Variants in ANKH observed in about 807,000 individuals in gnomAD.
ANKH encodes the protein ANKH inorganic pyrophosphate transport regulator, also known as mineralization regulator ANKH.
Under a neutral mutation model 49.0 loss-of-function variants are expected in ANKH, and 15 were observed. The ratio of observed to expected loss-of-function variants is 0.31; its 90% CI spans 0.20 to 0.47. ANKH has a LOEUF of 0.47. Ranked by LOEUF, ANKH falls within the 20% of genes least tolerant of loss-of-function variation. The pLI is 1.00. For missense variants in ANKH, 429 were observed against 652.0 expected (o/e 0.66, Z 3.72); for synonymous variants, 273 against 260.0 (o/e 1.05, Z -0.48).
rs118161440 is a variant in ANKH at position 14,804,549 on chromosome 5, G to A, written c.97-35358C>T. Among the ~76,000 whole-genome samples the A allele has an allele frequency of 1.1e-3, 168 of 152,224 alleles. 1 individual carries two copies. The East Asian group carries it at 0.018, about 16-fold the overall frequency. ...CTGGGAGAGTCTGTGTCTACTTTAC[G>A]CTTACTTTGTTTCTTCTGTAAAAAT... On this transcript the variant is annotated intron_variant, in intron 1 of 11. Transcript: ENST00000284268.
intron 1 of ANKH, among the ~76,000 whole-genome samples, chr5:14,774,987 C>A (rs1739566575): frequency 4.6e-5 from 7 of 152,190 alleles, no homozygotes. Context: ...CAGTGGATGC[C>A]TGAAACCTCG....
intron 8 of ANKH, among the ~76,000 whole-genome samples, chr5:14,721,389 C>T (rs1007382822): frequency 2.0e-5 from 3 of 152,058 alleles, no homozygotes; most frequent in African/African-American, 2.4e-5. Flanking sequence ...TGGGTCTTCG[C>T]GGGGTATCGG....
chr5:14,794,138 T>G (rs915858548), intron 1 of ANKH, among the ~76,000 whole-genome samples: 14 of 152,240 alleles, frequency 9.2e-5, no homozygotes, highest in African/African-American at 2.9e-4. Context: ...CAGGAAGTCC[T>G]AACAGCTTTG....
At chr5:14,799,365 A>G (rs1740493241) in intron 1 of ANKH, among the ~76,000 whole-genome samples, 2 of 152,252 alleles carry the variant, frequency 1.3e-5, no homozygotes, top group Admixed American at 6.5e-5. Context: ...TAAGATCACT[A>G]ATGAAGGTGG....
chr5:14,764,672 T>C (rs968801705), intron 2 of ANKH, among the ~76,000 whole-genome samples: 1 of 152,226 alleles, frequency 6.6e-6, no homozygotes, highest in African/African-American at 2.4e-5. Context: ...GTCTGTTCGC[T>C]CCCAGCACCC....
Position 14,751,088 on chromosome 5 carries a change from C to T in ANKH, c.668G>A (p.Arg223Lys). The change falls in exon 5 of 12, where the codon AGA becomes AAA. Residue 223 changes from arginine (R) to lysine (K), a missense_variant. This residue lies in a region of ANKH where 378 missense variants were observed against 615.3 expected (regional missense o/e 0.61). Transcript: ENST00000284268. ...YKNIHDIIPD[R>K]SGPELGGDAT... ...ACGTACCCCCAGCTCCGGGCCACTT[C>T]TGTCAGGGATGATGTCGTGAATGTT... is the stretch of plus-strand genomic sequence containing the variant. The T allele has an allele frequency of 6.2e-7, 1 of 1,614,248 alleles. No homozygotes were observed. Among genetic ancestry groups the T allele is most frequent in the South Asian group, 1.1e-5 (1 of 91,080 alleles).
intron 9 of ANKH, among the ~76,000 whole-genome samples, chr5:14,715,090 G>T (rs913912467): frequency 6.6e-6 from 1 of 152,224 alleles, no homozygotes; most frequent in Non-Finnish European, 1.5e-5. Flanking sequence ...AGCAAGGGCC[G>T]TTCCATCAGC....
intron 8 of ANKH, among the ~76,000 whole-genome samples, chr5:14,721,461 C>G (rs191885695): frequency 6.6e-6 from 1 of 152,184 alleles, no homozygotes; most frequent in Admixed American, 6.5e-5. Context: ...AGGAAAGGAA[C>G]GCCACATTTA....
Position 14,705,841 on chromosome 5 carries a change from TTTCA to T in ANKH, c.*5352_*5355del, listed in dbSNP as rs1736927505. The T allele has an allele frequency of 6.6e-6, 1 of 152,364 alleles. No individual in the cohort carries two copies. Among genetic ancestry groups the T allele is most frequent in the Non-Finnish European group, 1.5e-5 (1 of 68,038 alleles). The allele number at this position is 152,364 out of a possible 1,614,324, so 9.4% of individuals were successfully genotyped here. ...GTTTGAACTTAGCTTTCAGTAGCTG[TTTCA>T]TTCAAACCGTGGGTCCCTGCATGTT... On this transcript the variant is annotated 3_prime_UTR_variant, in exon 12 of 12. Coordinates refer to ENST00000284268, the MANE Select transcript of ANKH (RefSeq NM_054027.6).
intron 1 of ANKH, among the ~76,000 whole-genome samples, chr5:14,852,289 A>G (rs1266734204): frequency 6.6e-6 from 1 of 152,202 alleles, no homozygotes; most frequent in Admixed American, 6.5e-5. Context: ...CTCAAAAAAA[A>G]GAAAGAAATG....
chr5:14,809,335 TAAAAAAAAAA>T (rs36119317), intron 1 of ANKH, among the ~76,000 whole-genome samples: 3 of 80,858 alleles, frequency 3.7e-5, no homozygotes, highest in Admixed American at 1.4e-4. Context: ...TAGAGTATAA[TAAAAAAAAAA>T]AAAAAAAAAA....
intron 1 of ANKH, among the ~76,000 whole-genome samples, chr5:14,771,591 G>A (rs750877211): frequency 6.6e-6 from 1 of 152,034 alleles, no homozygotes; most frequent in African/African-American, 2.4e-5. Context: ...GGTCTGATAC[G>A]ACAGTAAGGT....
chr5:14,769,316 A>G (rs1394649612), intron 1 of ANKH, 125 bp from the exon 2 acceptor site: 4 of 783,314 alleles, frequency 5.1e-6, no homozygotes, highest in Non-Finnish European at 8.6e-6. Flanking sequence ...TATAGGGTGC[A>G]TCTCATGTAA....
At chr5:14,781,578 T>A (rs1240070994) in intron 1 of ANKH, among the ~76,000 whole-genome samples, 1 of 152,184 alleles carries the variant, frequency 6.6e-6, no homozygotes, top group African/African-American at 2.4e-5. Context: ...CCTCTTAATA[T>A]GAAAATATGC....
intron 3 of ANKH, among the ~76,000 whole-genome samples, chr5:14,756,628 C>T (rs1738894065): frequency 6.6e-6 from 1 of 152,204 alleles, no homozygotes; most frequent in Non-Finnish European, 1.5e-5. Context: ...GTCTATTCCC[C>T]AGGTCCATGT....
At chr5:14,782,990 TTTC>T (rs2126532436) in intron 1 of ANKH, among the ~76,000 whole-genome samples, 1 of 152,268 alleles carries the variant, frequency 6.6e-6, no homozygotes, top group Non-Finnish European at 1.5e-5. Context: ...CTTCCAAAGT[TTTC>T]TTCACTTCTC....
intron 8 of ANKH, among the ~76,000 whole-genome samples, chr5:14,721,606 A>G (rs982152692): frequency 6.6e-6 from 1 of 152,234 alleles, no homozygotes; most frequent in African/African-American, 2.4e-5. Flanking sequence ...AGGTATACAT[A>G]TAACTTAGAA....
chr5:14,858,019 T>C (rs1251056472), intron 1 of ANKH, among the ~76,000 whole-genome samples: 1 of 152,260 alleles, frequency 6.6e-6, no homozygotes, highest in Non-Finnish European at 1.5e-5. Flanking sequence ...TAGCATTATT[T>C]ACAATAGGAA....
At chr5:14,723,444 T>G (rs1737731338) in intron 8 of ANKH, among the ~76,000 whole-genome samples, 1 of 152,038 alleles carries the variant, frequency 6.6e-6, no homozygotes, top group African/African-American at 2.4e-5. Flanking sequence ...GGAGGACTGC[T>G]TGAGGCCAGG....
Sources: allele counts gnomAD v4.1 joint callset (sites outside exome capture counted in the v4.1 genomes callset), GRCh38; gene constraint gnomAD v4.1.1; regional missense constraint gnomAD v4.1.1; transcripts MANE v1.5; gene names NCBI Gene and HGNC (gene_info 2026-07-23, HGNC 2026-07-21).